Variants in HPSE2 observed in about 807,000 individuals in gnomAD.
HPSE2 encodes heparanase 2 (inactive), also known as inactive heparanase-2.
Under a neutral mutation model 60.5 loss-of-function variants are expected in HPSE2, and 38 were observed. The observed-to-expected ratio is 0.63, with a 90% CI of 0.48 to 0.82. The LOEUF is 0.82. HPSE2 is among the 40% of genes least tolerant of loss of function. The probability of loss-of-function intolerance (pLI) is 0.00; values close to 1 mark genes in which losing one functional copy is unlikely to be tolerated. For missense variants in HPSE2, 713 were observed against 740.4 expected (o/e 0.96, Z 0.43); for synonymous variants, 295 against 293.2 (o/e 1.01, Z -0.06).
At chr10:98,488,543 A>T (rs1190938696) in intron 10 of HPSE2, among the ~76,000 whole-genome samples, 3 of 152,192 alleles carry the variant, frequency 2.0e-5, no homozygotes, top group Non-Finnish European at 4.4e-5. Context: ...GGAGACGCAA[A>T]TCCTGCTAAG....
chr10:98,906,765 G>A (rs1175240493), intron 3 of HPSE2, among the ~76,000 whole-genome samples: 3 of 152,058 alleles, frequency 2.0e-5, no homozygotes, highest in African/African-American at 4.8e-5. Context: ...TTAGCCGGGC[G>A]TGGTGGCACG....
At chr10:99,002,494 A>G (rs1956799399) in intron 3 of HPSE2, among the ~76,000 whole-genome samples, 1 of 152,128 alleles carries the variant, frequency 6.6e-6, no homozygotes, top group Non-Finnish European at 1.5e-5. Context: ...AACCAAATCT[A>G]TAACCTCAGT....
At chr10:99,261,485 C>T in the HPSE2 span, among the ~76,000 whole-genome samples, 5 of 152,306 alleles carry the variant, frequency 3.3e-5, no homozygotes, top group Admixed American at 3.3e-4. Flanking sequence ...TCTCCCAAAT[C>T]AGTTAGCGTT....
At chr10:98,848,157 C>T (rs2134720534) in intron 3 of HPSE2, among the ~76,000 whole-genome samples, 1 of 152,296 alleles carries the variant, frequency 6.6e-6, no homozygotes, top group East Asian at 1.9e-4. Flanking sequence ...GTGGCTCACG[C>T]CTGTAATCCC....
chr10:99,135,032 G>A (rs11516933), intron 3 of HPSE2, among the ~76,000 whole-genome samples: 1 of 151,724 alleles, frequency 6.6e-6, no homozygotes. Flanking sequence ...ATTTACCAAG[G>A]AAATGGAAAG....
Position 99,036,938 on chromosome 10 carries a change from C to T in HPSE2, c.610+107300G>A, listed in dbSNP as rs759791893. Among the ~76,000 whole-genome samples the T allele has an allele frequency of 6.6e-5, 10 of 152,176 alleles. No homozygotes were observed. In the South Asian group the frequency reaches 1.2e-3, roughly 19 times the overall value. On this transcript the variant is annotated intron_variant, in intron 3 of 11. Coordinates refer to ENST00000370552, the MANE Select transcript of HPSE2 (RefSeq NM_021828.5). ...AAGAAAGGGGAAAATTGTAAGTTAA[C>T]AGAGAAAAAACCTGGCAAACACCGC... is the stretch of plus-strand genomic sequence containing the variant.
chr10:99,211,128 C>A (rs751371163), intron 2 of HPSE2, among the ~76,000 whole-genome samples: 4 of 151,248 alleles, frequency 2.6e-5, no homozygotes, highest in African/African-American at 4.9e-5. Flanking sequence ...AATGAACTAT[C>A]CAAAAAAAAG....
chr10:99,149,015 T>C (rs550521773), intron 2 of HPSE2, among the ~76,000 whole-genome samples: 22 of 151,716 alleles, frequency 1.5e-4, no homozygotes, highest in African/African-American at 3.6e-4. Flanking sequence ...CCCAAAACTA[T>C]TGAAGTTTAA....
chr10:99,243,417 C>T, the HPSE2 span, among the ~76,000 whole-genome samples: 8 of 151,886 alleles, frequency 5.3e-5, no homozygotes, highest in South Asian at 2.1e-4. Flanking sequence ...GAAACTAATG[C>T]CAGCTCTACT....
At chr10:98,646,773 C>A (rs571586333) in intron 6 of HPSE2, among the ~76,000 whole-genome samples, 3 of 152,078 alleles carry the variant, frequency 2.0e-5, no homozygotes, top group African/African-American at 7.2e-5. Flanking sequence ...TGGTGTTGCC[C>A]TTTATTTTTA....
At chr10:98,604,981 G>A (rs1038608436) in intron 9 of HPSE2, among the ~76,000 whole-genome samples, 1 of 152,176 alleles carries the variant, frequency 6.6e-6, no homozygotes, top group Non-Finnish European at 1.5e-5. Context: ...CCTTCCTGCT[G>A]TCACTTCATT....
chr10:99,036,048 A>G (rs1159800642), intron 3 of HPSE2, among the ~76,000 whole-genome samples: 1 of 150,486 alleles, frequency 6.6e-6, no homozygotes, highest in Non-Finnish European at 1.5e-5. Context: ...CTGTTCCTAC[A>G]AAAAAAAAAT....
chr10:98,509,524 C>T (rs973802919), intron 9 of HPSE2, among the ~76,000 whole-genome samples: 5 of 151,186 alleles, frequency 3.3e-5, no homozygotes, highest in Admixed American at 6.6e-5. Context: ...TTTTTTGAGA[C>T]GGAGTCTTGC....
At chr10:99,267,944 T>C in the HPSE2 span, among the ~76,000 whole-genome samples, 2 of 152,014 alleles carry the variant, frequency 1.3e-5, no homozygotes. Context: ...TACAAGAAGC[T>C]CAAAAAACAC....
chr10:99,160,767 C>T (rs973401182), intron 2 of HPSE2, among the ~76,000 whole-genome samples: 75 of 150,194 alleles, frequency 5.0e-4, no homozygotes, highest in Non-Finnish European at 1.6e-4. Flanking sequence ...GGCGTAGTGG[C>T]GGGCGCCTGT....
At chr10:98,705,849 T>C (rs1407748378) in intron 5 of HPSE2, among the ~76,000 whole-genome samples, 1 of 152,162 alleles carries the variant, frequency 6.6e-6, no homozygotes, top group Non-Finnish European at 1.5e-5. Flanking sequence ...AGGTGCAGGA[T>C]GCCACCATGA....
chr10:99,055,551 G>A (rs992745154), intron 3 of HPSE2, among the ~76,000 whole-genome samples: 4 of 151,926 alleles, frequency 2.6e-5, no homozygotes, highest in Non-Finnish European at 4.4e-5. Context: ...AAAAAATAAC[G>A]GCCAAAAATT....
intron 3 of HPSE2, among the ~76,000 whole-genome samples, chr10:99,123,070 GA>G (rs1160403757): frequency 6.6e-6 from 1 of 152,024 alleles, no homozygotes; most frequent in African/African-American, 2.4e-5. Flanking sequence ...TAGTCATTTG[GA>G]AGAAAATGTT....
At chr10:98,917,480 C>CT (rs1218938355) in intron 3 of HPSE2, among the ~76,000 whole-genome samples, 1 of 152,104 alleles carries the variant, frequency 6.6e-6, no homozygotes. Flanking sequence ...GAAATCAATC[C>CT]TGAAATAGGA....
Sources: gnomAD v4.1 joint callset for allele counts (sites outside exome capture counted in the v4.1 genomes callset) on GRCh38, gnomAD v4.1.1 for gene constraint, MANE v1.5 for transcripts, NCBI Gene and HGNC (gene_info 2026-07-23, HGNC 2026-07-21) for gene names.